DCC: variants seen among roughly 807,000 people sequenced by gnomAD.
DCC encodes the protein DCC netrin 1 receptor.
Under a neutral mutation model 172.5 loss-of-function variants are expected in DCC, and 58 were observed. The observed-to-expected ratio is 0.34, with a 90% CI of 0.27 to 0.42. DCC has a LOEUF of 0.42. Among genes scored for constraint, DCC ranks in the 10% least tolerant of loss-of-function variants. The pLI is 1.00. For synonymous variants in DCC, 709 were observed against 644.5 expected, an observed-to-expected ratio of 1.10 and a Z score of -1.52; for missense variants, 1,740 against 1,791.0, an observed-to-expected ratio of 0.97 and a Z score of 0.51.
chr18:53,385,946 G>C (rs1908132082), intron 15 of DCC, 97 bp from the exon 16 acceptor site: 1 of 828,184 alleles, frequency 1.2e-6, no homozygotes, highest in South Asian at 1.4e-5. Context: ...TTACCAAGTA[G>C]ATTATATGAA....
In DCC at chr18:53,364,420, A is replaced by G. The variant is rs546348764; in HGVS notation, c.2360-21623A>G. Among the ~76,000 whole-genome samples, 4 of 152,196 alleles carry G rather than the reference A, an allele frequency of 2.6e-5. No homozygotes were observed. The East Asian group carries it at 5.8e-4, about 22-fold the overall frequency. On this transcript the variant is annotated intron_variant, in intron 15 of 28. Transcript: ENST00000442544. ...CTGGGAAATGTAGTCTAATTCTACCATAACATTGGCCCAGCAAATTTTTAT... is the reference window on the plus strand; with the variant it reads ...CTGGGAAATGTAGTCTAATTCTACCGTAACATTGGCCCAGCAAATTTTTAT...
At position 52,591,940 on chromosome 18, in the gene DCC, G is replaced by A. The variant is rs558869420; in HGVS notation, c.92-160114G>A. On this transcript the variant is annotated intron_variant, in intron 1 of 28. Transcript: ENST00000442544. ...TCCAGGATTACCGGTGTAAGCTTCC[G>A]TGCCCAGCCTCCTTTCAAATTCTTA... Among the ~76,000 whole-genome samples, 212 of 151,902 alleles carry A rather than the reference G, an allele frequency of 1.4e-3. 2 individuals carry two copies. Among genetic ancestry groups the A allele is most frequent in the Middle Eastern group, 3.4e-3 (1 of 294 alleles).
intron 2 of DCC, among the ~76,000 whole-genome samples, chr18:52,845,835 C>T (rs968228449): frequency 6.6e-6 from 1 of 152,204 alleles, no homozygotes; most frequent in African/African-American, 2.4e-5. Flanking sequence ...CAAGTACAGA[C>T]ATTACTTGAT....
chr18:53,054,664 A>G (rs2042379426), intron 5 of DCC, among the ~76,000 whole-genome samples: 1 of 152,090 alleles, frequency 6.6e-6, no homozygotes, highest in African/African-American at 2.4e-5. Flanking sequence ...AGCTGGAACT[A>G]AGGAAGGGCA....
chr18:52,736,183 G>A (rs2036724446), intron 1 of DCC, among the ~76,000 whole-genome samples: 1 of 151,648 alleles, frequency 6.6e-6, no homozygotes, highest in Non-Finnish European at 1.5e-5. Context: ...ACCTCTCTGG[G>A]TCTTTGTCCC....
intron 1 of DCC, among the ~76,000 whole-genome samples, chr18:52,378,761 T>C (rs943895564): frequency 2.6e-5 from 4 of 152,066 alleles, no homozygotes; most frequent in African/African-American, 7.2e-5. Flanking sequence ...TAGCCCAGAC[T>C]GTTCTGGAAC....
At chr18:52,617,991 A>G (rs1265206956) in intron 1 of DCC, among the ~76,000 whole-genome samples, 5 of 152,198 alleles carry the variant, frequency 3.3e-5, no homozygotes, top group African/African-American at 1.2e-4. Flanking sequence ...ATTTTATTAC[A>G]GTGAATCCAT....
At chr18:53,071,839 T>C (rs1352509432) in intron 7 of DCC, among the ~76,000 whole-genome samples, 3 of 152,104 alleles carry the variant, frequency 2.0e-5, no homozygotes, top group African/African-American at 7.2e-5. Context: ...TAAGAATCAA[T>C]GTGTTAGGAC....
chr18:53,478,717 T>G (rs887664256), intron 25 of DCC, among the ~76,000 whole-genome samples: 2 of 152,210 alleles, frequency 1.3e-5, no homozygotes, highest in African/African-American at 2.4e-5. Flanking sequence ...GCCAATGCTC[T>G]CCTTCCCTTT....
chr18:53,403,074 GCACA>G (rs3059148), intron 19 of DCC, among the ~76,000 whole-genome samples, 181 bp downstream of exon 19: 4,297 of 145,816 alleles, frequency 0.029, 102 homozygotes, highest in African/African-American at 0.046. Flanking sequence ...TTCTAATGGT[GCACA>G]CACACACACA....
chr18:52,563,066 A>C (rs1038859326), intron 1 of DCC, among the ~76,000 whole-genome samples: 3 of 152,176 alleles, frequency 2.0e-5, no homozygotes, highest in African/African-American at 7.2e-5. Context: ...CAGTTCATAA[A>C]AATGAAATTC....
intron 15 of DCC, among the ~76,000 whole-genome samples, chr18:53,345,448 A>G (rs1207941412): frequency 6.6e-6 from 1 of 152,160 alleles, no homozygotes; most frequent in Non-Finnish European, 1.5e-5. Context: ...ACATGCATTG[A>G]AAATCCCATT....
chr18:53,123,616 GCT>G (rs1311875440), intron 7 of DCC, among the ~76,000 whole-genome samples: 2 of 152,054 alleles, frequency 1.3e-5, no homozygotes, highest in Non-Finnish European at 2.9e-5. Flanking sequence ...AAGTAGGAAT[GCT>G]CTTTCTTGTG....
At chr18:52,815,069 TG>T (rs1010393690) in intron 2 of DCC, among the ~76,000 whole-genome samples, 1 of 152,126 alleles carries the variant, frequency 6.6e-6, no homozygotes, top group African/African-American at 2.4e-5. Flanking sequence ...CGGGGTGGGC[TG>T]GGGGTATCTA....
At chr18:53,345,759 A>G (rs918855092) in intron 15 of DCC, among the ~76,000 whole-genome samples, 1 of 133,446 alleles carries the variant, frequency 7.5e-6, no homozygotes, top group East Asian at 1.9e-4. Flanking sequence ...CCGCATTGAC[A>G]GATTTTTTTT....
chr18:52,432,138 G>A (rs1987645174), intron 1 of DCC, among the ~76,000 whole-genome samples: 1 of 151,876 alleles, frequency 6.6e-6, no homozygotes, highest in Non-Finnish European at 1.5e-5. Context: ...GCTCCTTTTT[G>A]TCGCCCCTCA....
intron 7 of DCC, among the ~76,000 whole-genome samples, chr18:53,151,732 T>TAGAAAAAG (rs2054644462): frequency 6.6e-6 from 1 of 152,160 alleles, no homozygotes; most frequent in Non-Finnish European, 1.5e-5. Flanking sequence ...AATAACTATT[T>TAGAAAAAG]TATAAAATCT....
Position 52,562,920 on chromosome 18 carries a change from G to A in DCC, c.92-189134G>A, listed in dbSNP as rs376684616. ...GCTGGGATTACAGGTGTGAGCCACC[G>A]CACCTGGCGTTAATCATTTTATTGA... On this transcript the variant is annotated intron_variant, in intron 1 of 28. Coordinates refer to ENST00000442544, the MANE Select transcript of DCC (RefSeq NM_005215.4). Among the ~76,000 whole-genome samples, 13 of 152,078 alleles carry A rather than the reference G, an allele frequency of 8.5e-5. No homozygotes were observed. In the East Asian group the frequency reaches 9.7e-4, roughly 11 times the overall value.
At chr18:52,808,145 A>G (rs928335873) in intron 2 of DCC, among the ~76,000 whole-genome samples, 1 of 152,088 alleles carries the variant, frequency 6.6e-6, no homozygotes, top group Non-Finnish European at 1.5e-5. Flanking sequence ...AATAAGAACT[A>G]GTAGAATCAC....
Sources: gnomAD v4.1 joint callset for allele counts (sites outside exome capture counted in the v4.1 genomes callset) on GRCh38, gnomAD v4.1.1 for gene constraint, MANE v1.5 for transcripts, NCBI Gene and HGNC (gene_info 2026-07-23, HGNC 2026-07-21) for gene names.